Variants in PARN observed in about 807,000 individuals in gnomAD.
PARN encodes poly(A)-specific ribonuclease PARN.
Under a neutral mutation model 102.8 loss-of-function variants are expected in PARN, and 71 were observed. The ratio of observed to expected loss-of-function variants is 0.69; its 90% CI spans 0.57 to 0.84. The LOEUF is 0.84. PARN is among the 40% of genes least tolerant of loss of function. PARN has a pLI of 0.00. For synonymous variants in PARN, 261 were observed against 252.9 expected (o/e 1.03, Z -0.30); for missense variants, 782 against 760.9 (o/e 1.03, Z -0.33).
chr16:14,489,597 G>A (rs1231132532), intron 21 of PARN, among the ~76,000 whole-genome samples: 2 of 152,104 alleles, frequency 1.3e-5, no homozygotes, highest in Admixed American at 6.6e-5. Context: ...CATGGAAGTG[G>A]AGCCCCTGAG....
intron 21 of PARN, among the ~76,000 whole-genome samples, chr16:14,485,021 A>G (rs1404198849): frequency 6.6e-6 from 1 of 152,160 alleles, no homozygotes. Flanking sequence ...GTAGTTGAAG[A>G]CCAACCTGGG....
intron 21 of PARN, chr16:14,501,453 A>C (rs868438864): frequency 2.8e-5 from 4 of 143,602 alleles, no homozygotes; most frequent in Admixed American, 7.1e-5. Flanking sequence ...AAAAAAAAAA[A>C]AAAAAAACAG....
chr16:14,584,614 G>A, intron 15 of PARN, 135 bp downstream of exon 15: 1 of 766,784 alleles, frequency 1.3e-6, no homozygotes. Context: ...AATATACAAA[G>A]TATAACCAAA....
chr16:14,540,926 G>A (rs1488329093), intron 21 of PARN, among the ~76,000 whole-genome samples: 4 of 152,054 alleles, frequency 2.6e-5, no homozygotes, highest in South Asian at 2.1e-4. Flanking sequence ...ACTCCAGCCC[G>A]GGCCACAGGA....
rs1963450148 is a variant in PARN at position 14,482,721 on chromosome 16, A to G, written c.1587T>C (p.Asp529=). 1 of 1,613,874 alleles carries G rather than the reference A, an allele frequency of 6.2e-7. No homozygotes were observed. The change falls in exon 22 of 24, where the codon GAT becomes GAC. Residue 529 remains aspartate (D), a synonymous_variant. Transcript: ENST00000437198. ...GTTTGCTGTCAGCCTCCTTCCAGCT[A>G]TCTTCAGTCCACTTTCTTTTGATCT... ...EKQIKRKWTE[D]SWKEADSKRL... is the part of the protein sequence containing the mutation.
At chr16:14,597,906 G>A (rs1337423096) in intron 12 of PARN, among the ~76,000 whole-genome samples, 2 of 152,130 alleles carry the variant, frequency 1.3e-5, no homozygotes, top group Admixed American at 1.3e-4. Flanking sequence ...TATCTTGGGA[G>A]GCTGAAGAAG....
At chr16:14,556,167 A>G (rs1967674962) in intron 18 of PARN, among the ~76,000 whole-genome samples, 1 of 148,112 alleles carries the variant, frequency 6.8e-6, no homozygotes, top group South Asian at 2.1e-4. Flanking sequence ...TATTATTATT[A>G]TTATCATTTT....
At chr16:14,447,940 ATC>A (rs1961273310) in intron 22 of PARN, among the ~76,000 whole-genome samples, 1 of 31,076 alleles carries the variant, frequency 3.2e-5, no homozygotes, top group African/African-American at 1.2e-4. Flanking sequence ...TTTAAATTTT[ATC>A]TATCTATCTA....
At chr16:14,571,109 C>T (rs566815082) in intron 18 of PARN, among the ~76,000 whole-genome samples, 5 of 152,058 alleles carry the variant, frequency 3.3e-5, no homozygotes, top group African/African-American at 1.2e-4. Flanking sequence ...AAACTCCAGG[C>T]GCGGTGGCTC....
In PARN at chr16:14,552,113, A is replaced by T. The variant is rs1967343186; in HGVS notation, c.1406-18T>A. 6.6e-7 allele frequency: 1 copy of T among 1,520,344 alleles called. No homozygotes were observed. Among genetic ancestry groups the T allele is most frequent in the Non-Finnish European group, 9.1e-7 (1 of 1,096,142 alleles). 94.2% of individuals were successfully genotyped at this position (1,520,344 alleles called of 1,614,324 possible). A position where few individuals can be genotyped will look rare whatever the true frequency, so the allele number is the denominator to read the frequency against. ...AATGTTACCTGCAATCGCAAATTAA[A>T]AGTAAAGTGAACATTTGACCATGTG... is the stretch of plus-strand genomic sequence containing the variant. On this transcript the variant is annotated intron_variant, in intron 20 of 23. Coordinates refer to ENST00000437198, the MANE Select transcript of PARN (RefSeq NM_002582.4).
intron 21 of PARN, among the ~76,000 whole-genome samples, chr16:14,540,108 C>T (rs1966784739): frequency 6.6e-6 from 1 of 152,150 alleles, no homozygotes; most frequent in Non-Finnish European, 1.5e-5. Context: ...TACCAAGGGA[C>T]AACTGAACAT....
intron 21 of PARN, among the ~76,000 whole-genome samples, chr16:14,541,976 C>G (rs1966843656): frequency 6.6e-6 from 1 of 151,904 alleles, no homozygotes; most frequent in Non-Finnish European, 1.5e-5. Flanking sequence ...TATCAACAAC[C>G]CTCAGATGAT....
chr16:14,593,641 TATTA>T (rs1280836737), intron 12 of PARN, among the ~76,000 whole-genome samples: 5 of 152,044 alleles, frequency 3.3e-5, no homozygotes, highest in South Asian at 2.1e-4. Flanking sequence ...CTTGAATTTT[TATTA>T]ATTATGCCAC....
At chr16:14,520,790 GAGAGAGC>G (rs1965696594) in intron 21 of PARN, among the ~76,000 whole-genome samples, 1 of 152,202 alleles carries the variant, frequency 6.6e-6, no homozygotes, top group South Asian at 2.1e-4. Context: ...AATAAAAAGT[GAGAGAGC>G]AGGTGTTCGT....
At chr16:14,515,029 T>C (rs1190375038) in intron 21 of PARN, among the ~76,000 whole-genome samples, 1 of 152,260 alleles carries the variant, frequency 6.6e-6, no homozygotes, top group African/African-American at 2.4e-5. Context: ...TCTTTACGAA[T>C]CAACACTTGC....
chr16:14,481,316 T>C (rs1381297383), intron 22 of PARN, among the ~76,000 whole-genome samples: 1 of 152,204 alleles, frequency 6.6e-6, no homozygotes, highest in Non-Finnish European at 1.5e-5. Flanking sequence ...ACTGCTGAGA[T>C]GCAATAGCAA....
intron 12 of PARN, among the ~76,000 whole-genome samples, chr16:14,598,919 A>G (rs1230424140): frequency 6.6e-6 from 1 of 152,158 alleles, no homozygotes; most frequent in Non-Finnish European, 1.5e-5. Context: ...AACTGCTCAA[A>G]TAAGAGAATG....
At position 14,608,263 on chromosome 16, in the gene PARN, T is replaced by A; in HGVS notation, c.659+18A>T. The A allele has an allele frequency of 6.6e-7, 1 of 1,509,272 alleles. No individual in the cohort carries two copies. 93.5% of individuals were successfully genotyped at this position (1,509,272 alleles called of 1,614,324 possible). A position where few individuals can be genotyped will look rare whatever the true frequency, so the allele number is the denominator to read the frequency against. On this transcript the variant is annotated intron_variant, in intron 9 of 23. Transcript: ENST00000437198. Reference sequence around the variant, plus strand: ...CTGGGTCCCCCACAGAGCTGCTGCATACAATATAAATACTTACTTCCAGCT... The same window carrying A: ...CTGGGTCCCCCACAGAGCTGCTGCAAACAATATAAATACTTACTTCCAGCT...
At chr16:14,616,664 A>G (rs1418700643) in intron 6 of PARN, among the ~76,000 whole-genome samples, 8 of 152,126 alleles carry the variant, frequency 5.3e-5, no homozygotes, top group Admixed American at 5.2e-4. Context: ...GGATCATTTG[A>G]GCCCAGGAGG....
Sources: allele counts gnomAD v4.1 joint callset (sites outside exome capture counted in the v4.1 genomes callset), GRCh38; gene constraint gnomAD v4.1.1; transcripts MANE v1.5; gene names NCBI Gene and HGNC (gene_info 2026-07-23, HGNC 2026-07-21).